The following TBCD variants were observed in gnomAD, a reference collection of about 807,000 sequenced individuals.
TBCD encodes the protein tubulin folding cofactor D, also known as tubulin-specific chaperone D.
Under a neutral mutation model 169.3 loss-of-function variants are expected in TBCD, and 105 were observed. That is an observed-to-expected ratio of 0.62 (90% confidence interval 0.53 to 0.73). TBCD has a LOEUF of 0.73. Among genes scored for constraint, TBCD ranks in the 30% least tolerant of loss-of-function variants. TBCD has a pLI of 0.00. For synonymous variants in TBCD, 700 were observed against 643.9 expected, an observed-to-expected ratio of 1.09 and a Z score of -1.32; for missense variants, 1,444 against 1,600.1, an observed-to-expected ratio of 0.90 and a Z score of 1.66.
At chr17:82,830,980 A>G (rs1188325455) in intron 13 of TBCD, 1 of 1,613,528 alleles carries the variant, frequency 6.2e-7, no homozygotes, top group Non-Finnish European at 8.5e-7. Flanking sequence ...CCCAACCAGA[A>G]ACATTCCCTT....
intron 14 of TBCD, among the ~76,000 whole-genome samples, chr17:82,879,794 G>C (rs2058230822): frequency 6.6e-6 from 1 of 152,202 alleles, no homozygotes; most frequent in African/African-American, 2.4e-5. Context: ...ACCATTTCTG[G>C]AGTGTCTTAT....
rs1210593630 is a variant in TBCD at position 82,889,919 on chromosome 17, C to T, written c.1563+222C>T. Among the ~76,000 whole-genome samples, 1 of 152,270 alleles carries T rather than the reference C, an allele frequency of 6.6e-6. No homozygotes were observed. Among genetic ancestry groups the T allele is most frequent in the Non-Finnish European group, 1.5e-5 (1 of 68,044 alleles). On this transcript the variant is annotated intron_variant, in intron 16 of 38. Coordinates refer to ENST00000355528, the MANE Select transcript of TBCD (RefSeq NM_005993.5). This position sits in a 1 kb window ranked among gnomAD's most constrained non-coding sequence, Gnocchi z 5.3. ...TAATTTACACACACAGGCCGGAAAGCTGTGCTTTACACGTTGCCAAGAGCC... is the reference window on the plus strand; with the variant it reads ...TAATTTACACACACAGGCCGGAAAGTTGTGCTTTACACGTTGCCAAGAGCC...
intron 2 of TBCD, among the ~76,000 whole-genome samples, chr17:82,759,842 A>C (rs1598383500): frequency 6.8e-6 from 1 of 147,874 alleles, no homozygotes; most frequent in African/African-American, 2.5e-5. Flanking sequence ...ATCCTGTTCC[A>C]TTGACCTATC....
rs1180484929 is a variant in TBCD at position 82,922,153 on chromosome 17, G to T, written c.2178+576G>T. Among the ~76,000 whole-genome samples, 1 of 152,228 alleles carries T rather than the reference G, an allele frequency of 6.6e-6. No individual in the cohort carries two copies. Among genetic ancestry groups the T allele is most frequent in the Non-Finnish European group, 1.5e-5 (1 of 68,040 alleles). ...TGGCGGGTGGATCACTTGAGGTCAG[G>T]AGTTCGAGGCCAGCCTGGCCAACAT... On this transcript the variant is annotated intron_variant, in intron 25 of 38. Coordinates refer to ENST00000355528, the MANE Select transcript of TBCD (RefSeq NM_005993.5). The surrounding 1 kb of genome is among the most constrained non-coding windows in gnomAD (Gnocchi z 4.1).
Position 82,800,919 on chromosome 17 carries a change from C to A in TBCD, c.873C>A (p.Thr291=). Residue 291 remains threonine, a synonymous_variant, in exon 9 of 39, where the codon ACC becomes ACA. Transcript: ENST00000355528. ...GCAGACTCCCTGAGAGCAACCAGAC[C>A]CTGCTGCGGAAGCTGGGGGTGAAGC... The part of the protein sequence containing the change: ...DGCRLPESNQ[T]LLRKLGVKLV... The A allele has an allele frequency of 6.2e-7, 1 of 1,612,232 alleles. No individual in the cohort carries two copies.
At chr17:82,753,835 G>A (rs548381375) in intron 1 of TBCD, among the ~76,000 whole-genome samples, 2 of 150,908 alleles carry the variant, frequency 1.3e-5, no homozygotes, top group Admixed American at 6.6e-5. Context: ...TTTAGTTCAC[G>A]CAGAGCCGGT....
At chr17:82,878,173 G>A (rs1162511056) in intron 14 of TBCD, among the ~76,000 whole-genome samples, 4 of 152,184 alleles carry the variant, frequency 2.6e-5, no homozygotes, top group African/African-American at 4.8e-5. Context: ...CCGGGACCCC[G>A]CATGGCATCT....
At chr17:82,795,423 C>A in intron 7 of TBCD, 1 of 480,040 alleles carries the variant, frequency 2.1e-6, no homozygotes, top group Non-Finnish European at 2.7e-6. Context: ...CCCACAGCTG[C>A]ACAGCTGCTC....
intron 9 of TBCD, among the ~76,000 whole-genome samples, chr17:82,801,896 G>T (rs1181635757): frequency 2.5e-4 from 37 of 147,732 alleles, no homozygotes; most frequent in Admixed American, 2.5e-3. Context: ...TTCGGAGTCA[G>T]CGTGGCAGGA....
chr17:82,806,143 C>T lies in TBCD; in HGVS notation c.1087+132C>T, dbSNP rs2144767872. 2 of 1,244,098 alleles carry T rather than the reference C, an allele frequency of 1.6e-6. No homozygotes were observed. Among genetic ancestry groups the T allele is most frequent in the East Asian group, 5.1e-5 (2 of 38,916 alleles). 77.1% of individuals were successfully genotyped at this position (1,244,098 alleles called of 1,614,324 possible). A position where few individuals can be genotyped will look rare whatever the true frequency, so the allele number is the denominator to read the frequency against. ...GGCCACCCGTCCCCTTCGCTGAGTG[C>T]ACGGTCACTGCCCGTCCTCTGGCTC... is the stretch of plus-strand genomic sequence containing the variant. On this transcript the variant is annotated intron_variant, in intron 10 of 38. Coordinates refer to ENST00000355528, the MANE Select transcript of TBCD (RefSeq NM_005993.5). This position sits in a 1 kb window ranked among gnomAD's most constrained non-coding sequence, Gnocchi z 5.1.
chr17:82,826,237 A>AT (rs566096935), intron 13 of TBCD, among the ~76,000 whole-genome samples: 40 of 146,540 alleles, frequency 2.7e-4, no homozygotes, highest in Admixed American at 1.2e-3. Context: ...TTTTTTTATT[A>AT]TTTTTTTAAC....
chr17:82,825,273 G>A (rs982027515), intron 13 of TBCD, among the ~76,000 whole-genome samples: 1 of 152,102 alleles, frequency 6.6e-6, no homozygotes, highest in East Asian at 1.9e-4. Context: ...CCTTGACAAC[G>A]GAGGGCTGTA....
At chr17:82,841,028 ATGATC>A (rs1295261152) in intron 13 of TBCD, among the ~76,000 whole-genome samples, 3 of 126,550 alleles carry the variant, frequency 2.4e-5, no homozygotes, top group Non-Finnish European at 4.6e-5. Flanking sequence ...GTGCAATGGC[ATGATC>A]TTGGCTCACT....
chr17:82,834,613 C>T (rs1298193674), intron 13 of TBCD, among the ~76,000 whole-genome samples: 1 of 150,466 alleles, frequency 6.6e-6, no homozygotes, highest in Non-Finnish European at 1.5e-5. Flanking sequence ...CAAACTAACG[C>T]AGGAAGAGAA....
At chr17:82,899,363 C>T (rs2059735926) in intron 17 of TBCD, among the ~76,000 whole-genome samples, 1 of 150,158 alleles carries the variant, frequency 6.7e-6, no homozygotes, top group South Asian at 2.1e-4. Flanking sequence ...GTCCGCAGTG[C>T]GTCCTCAGCG....
At chr17:82,861,251 G>A (rs1477519236) in intron 13 of TBCD, among the ~76,000 whole-genome samples, 2 of 152,104 alleles carry the variant, frequency 1.3e-5, no homozygotes, top group Non-Finnish European at 2.9e-5. Context: ...TGGGATGTGC[G>A]GCCGGCTGGG....
rs376714297 is a variant in TBCD at position 82,870,426 on chromosome 17, C to T, written c.1475+46C>T. 4.3e-5 allele frequency: 69 copies of T among 1,591,262 alleles called. No individual in the cohort carries two copies. In the Admixed American group the frequency reaches 4.8e-4, roughly 11 times the overall value. The stretch of plus-strand genomic sequence containing the variant: ...ACATCGGATGCGCCGTGCCCCCTGA[C>T]GGCGCCGTGTGTCGTTTCCTCCATG... On this transcript the variant is annotated intron_variant, in intron 14 of 38. Transcript: ENST00000355528.
In TBCD at chr17:82,880,669, T is replaced by A. The variant is rs2058290914; in HGVS notation, c.1476-3476T>A. Among the ~76,000 whole-genome samples the A allele has an allele frequency of 6.6e-6, 1 of 151,660 alleles. No homozygotes were observed. The highest frequency in any genetic ancestry group is 2.4e-5 in the African/African-American group (1 of 41,214). On this transcript the variant is annotated intron_variant, in intron 14 of 38. Transcript: ENST00000355528. The surrounding 1 kb of genome is among the most constrained non-coding windows in gnomAD (Gnocchi z 5.0). ...TGTTGGGAGGTGCTGGGCCCGGAGG[T>A]ATCAGCAGGAACTGCAGGGTCCCTA... is the stretch of plus-strand genomic sequence containing the variant.
chr17:82,907,470 C>T (rs1182854175), intron 20 of TBCD, among the ~76,000 whole-genome samples: 3 of 152,174 alleles, frequency 2.0e-5, no homozygotes, highest in African/African-American at 7.2e-5. Context: ...ATTGTTAGGG[C>T]CCAGGAGTTT....
Sources: allele counts gnomAD v4.1 joint callset (sites outside exome capture counted in the v4.1 genomes callset), GRCh38; gene constraint gnomAD v4.1.1; non-coding constraint Gnocchi (gnomAD v3.1); transcripts MANE v1.5; gene names NCBI Gene and HGNC (gene_info 2026-07-23, HGNC 2026-07-21).